The following BORCS5 variants were observed in gnomAD, a reference collection of about 807,000 sequenced individuals.
The protein encoded by BORCS5 is BLOC-1 related complex subunit 5.
BORCS5 carries 17 observed loss-of-function variants against 22.1 expected under a neutral mutation model. The ratio of observed to expected loss-of-function variants is 0.77; its 90% CI spans 0.53 to 1.15. BORCS5 has a LOEUF of 1.15. Ranked by LOEUF, BORCS5 falls within the 50% of genes most tolerant of loss-of-function variation. The pLI is 0.00. For missense variants in BORCS5, 247 were observed against 253.2 expected (o/e 0.98, Z 0.17); for synonymous variants, 117 against 99.8 (o/e 1.17, Z -1.03).
intron 2 of BORCS5, among the ~76,000 whole-genome samples, chr12:12,416,394 C>T (rs557344698): frequency 2.6e-5 from 4 of 151,438 alleles, no homozygotes; most frequent in South Asian, 4.2e-4. Context: ...TTTCTAGTTC[C>T]TTAAGTTGTA....
chr12:12,437,156 G>C (rs1222264246), intron 3 of BORCS5, among the ~76,000 whole-genome samples: 6 of 152,176 alleles, frequency 3.9e-5, no homozygotes. Context: ...GAGGGACCCA[G>C]TGGGAGGTAA....
In BORCS5 at chr12:12,471,118, G is replaced by A. The variant is rs2136173868; in HGVS notation, c.*5342G>A. 6.6e-6 allele frequency among the ~76,000 whole-genome samples: 1 copy of A among 152,304 alleles called. No homozygotes were observed. The highest frequency in any genetic ancestry group is 6.5e-5 in the Admixed American group (1 of 15,302). On this transcript the variant is annotated 3_prime_UTR_variant, in exon 4 of 4. Coordinates refer to ENST00000314565, the MANE Select transcript of BORCS5 (RefSeq NM_058169.6). Reference sequence around the variant, plus strand: ...CACATCCTGCATTTCCTGTGGGACAGCATTTTCAAACGGATTCTAGTGTTT... The same window carrying A: ...CACATCCTGCATTTCCTGTGGGACAACATTTTCAAACGGATTCTAGTGTTT...
At position 12,448,153 on chromosome 12, in the gene BORCS5, ACT is replaced by A. The variant is rs534431771; in HGVS notation, c.360+12371_360+12372del. On this transcript the variant is annotated intron_variant, in intron 3 of 3. Coordinates refer to ENST00000314565, the MANE Select transcript of BORCS5 (RefSeq NM_058169.6). ...CTCAGAGCTAACGTCCACCTTCGAA[ACT>A]CTAAAGCCGCGCTTCCTTTCCACCT... Among the ~76,000 whole-genome samples the A allele has an allele frequency of 4.6e-5, 7 of 151,988 alleles. No homozygotes were observed. The South Asian group carries it at 8.3e-4, about 18-fold the overall frequency.
chr12:12,413,617 G>T lies in BORCS5; in HGVS notation c.203-22011G>T, dbSNP rs549901072. On this transcript the variant is annotated intron_variant, in intron 2 of 3. Coordinates refer to ENST00000314565, the MANE Select transcript of BORCS5 (RefSeq NM_058169.6). Reference sequence around the variant, plus strand: ...TGGGCACACCTCCCAGACGGGTCGTGGCCGGGCAGAGGGGCTCCTCACTTC... The same window carrying T: ...TGGGCACACCTCCCAGACGGGTCGTTGCCGGGCAGAGGGGCTCCTCACTTC... Among the ~76,000 whole-genome samples, 5 of 137,052 alleles carry T rather than the reference G, an allele frequency of 3.6e-5. No homozygotes were observed. In the East Asian group the frequency reaches 1.0e-3, roughly 28 times the overall value. 89.9% of individuals were successfully genotyped at this position (137,052 alleles called of 152,430 possible).
intron 2 of BORCS5, among the ~76,000 whole-genome samples, chr12:12,388,093 T>G (rs1168116415): frequency 6.6e-6 from 1 of 151,490 alleles, no homozygotes. Context: ...CTAACATTTG[T>G]GATTATTATA....
At chr12:12,402,045 T>G (rs957814047) in intron 2 of BORCS5, among the ~76,000 whole-genome samples, 71 of 137,086 alleles carry the variant, frequency 5.2e-4, no homozygotes, top group East Asian at 3.6e-3. Context: ...CAGCCTGGGC[T>G]ACAGAGCGAG....
At chr12:12,414,645 A>T (rs1284465095) in intron 2 of BORCS5, among the ~76,000 whole-genome samples, 1 of 65,092 alleles carries the variant, frequency 1.5e-5, no homozygotes. Flanking sequence ...CGGGCAGAGG[A>T]GCCCCTCACC....
chr12:12,431,048 A>G (rs1419874488), intron 2 of BORCS5, among the ~76,000 whole-genome samples: 1 of 152,200 alleles, frequency 6.6e-6, no homozygotes, highest in African/African-American at 2.4e-5. Context: ...TTGTATATAC[A>G]TCATTTAGCT....
chr12:12,440,600 T>G (rs1409629867), intron 3 of BORCS5, among the ~76,000 whole-genome samples: 3 of 103,938 alleles, frequency 2.9e-5, no homozygotes, highest in Non-Finnish European at 5.5e-5. Flanking sequence ...TTAAGCTAGG[T>G]CTTTGAAAAA....
chr12:12,386,872 G>T (rs550157838), intron 2 of BORCS5, among the ~76,000 whole-genome samples: 7 of 150,586 alleles, frequency 4.6e-5, no homozygotes, highest in Admixed American at 6.6e-5. Flanking sequence ...TGCACTGTTG[G>T]GTTATTATTT....
chr12:12,427,997 A>G (rs987964017), intron 2 of BORCS5, among the ~76,000 whole-genome samples: 1 of 152,274 alleles, frequency 6.6e-6, no homozygotes, highest in South Asian at 2.1e-4. Context: ...ATACGGGGGA[A>G]TTTTCTTTTT....
chr12:12,401,756 T>G (rs568142060), intron 2 of BORCS5, among the ~76,000 whole-genome samples: 1 of 152,130 alleles, frequency 6.6e-6, no homozygotes, highest in Non-Finnish European at 1.5e-5. Context: ...TCATTGGATA[T>G]TGTTTGAAAA....
At chr12:12,433,426 C>T (rs1366596053) in intron 2 of BORCS5, among the ~76,000 whole-genome samples, 1 of 150,946 alleles carries the variant, frequency 6.6e-6, no homozygotes, top group African/African-American at 2.4e-5. Flanking sequence ...ATCTCTTGAG[C>T]TTAGGAGTTT....
intron 2 of BORCS5, among the ~76,000 whole-genome samples, chr12:12,419,661 A>G (rs1942063296): frequency 6.6e-6 from 1 of 152,208 alleles, no homozygotes; most frequent in African/African-American, 2.4e-5. Context: ...ACTCCCACCA[A>G]CGGTGTAAAA....
intron 3 of BORCS5, among the ~76,000 whole-genome samples, chr12:12,437,202 G>A (rs748780310): frequency 1.4e-4 from 21 of 152,140 alleles, no homozygotes; most frequent in Non-Finnish European, 2.6e-4. Context: ...CATGCTGTTC[G>A]CATGATAGTG....
chr12:12,377,021 G>T (rs1166486767), intron 2 of BORCS5, among the ~76,000 whole-genome samples: 1 of 152,146 alleles, frequency 6.6e-6, no homozygotes, highest in Non-Finnish European at 1.5e-5. Flanking sequence ...ACTTATTTTA[G>T]TGTTTATCAG....
At chr12:12,382,993 G>A (rs1456497790) in intron 2 of BORCS5, among the ~76,000 whole-genome samples, 3 of 151,246 alleles carry the variant, frequency 2.0e-5, no homozygotes, top group Non-Finnish European at 3.0e-5. Context: ...TTTTAATATA[G>A]TTATTGATCT....
At chr12:12,397,585 G>A (rs1033346283) in intron 2 of BORCS5, among the ~76,000 whole-genome samples, 1 of 152,184 alleles carries the variant, frequency 6.6e-6, no homozygotes, top group Non-Finnish European at 1.5e-5. Flanking sequence ...TTTTAAAGAA[G>A]ACTTTGATGA....
rs868367669 is a variant in BORCS5 at position 12,453,091 on chromosome 12, T to C, written c.361-12455T>C. Among the ~76,000 whole-genome samples, 33 of 152,322 alleles carry C rather than the reference T, an allele frequency of 2.2e-4. 2 individuals are homozygous for C. In the Middle Eastern group the frequency reaches 0.014, roughly 63 times the overall value. On this transcript the variant is annotated intron_variant, in intron 3 of 3. Transcript: ENST00000314565. ...GGGTTTGCAAACTGGAAGAAAGGTC[T>C]TGAAGAAGGTGTCAGAAGCAAAAAA...
Sources: allele counts gnomAD v4.1 joint callset (sites outside exome capture counted in the v4.1 genomes callset), GRCh38; gene constraint gnomAD v4.1.1; transcripts MANE v1.5; gene names NCBI Gene and HGNC (gene_info 2026-07-23, HGNC 2026-07-21).